Variants in TTC28 observed in about 807,000 individuals in gnomAD.
TTC28 encodes the protein tetratricopeptide repeat protein 28.
TTC28 carries 61 observed loss-of-function variants against 198.0 expected under a neutral mutation model. That is an observed-to-expected ratio of 0.31 (90% confidence interval 0.25 to 0.38). TTC28 has a LOEUF of 0.38. TTC28 is among the 10% of genes least tolerant of loss of function. The pLI is 1.00. For missense variants in TTC28, 2,678 were observed against 3,164.0 expected, an observed-to-expected ratio of 0.85 and a Z score of 3.69; for synonymous variants, 1,171 against 1,297.8, an observed-to-expected ratio of 0.90 and a Z score of 2.10.
chr22:28,101,069 G>A (rs1942133289), intron 9 of TTC28, 102 bp downstream of exon 9: 3 of 805,612 alleles, frequency 3.7e-6, no homozygotes, highest in Non-Finnish European at 5.9e-6. Context: ...AAGGGTAGAA[G>A]TCAGTGCCTC....
intron 2 of TTC28, among the ~76,000 whole-genome samples, chr22:28,562,527 A>G (rs1472350631): frequency 6.6e-6 from 1 of 152,182 alleles, no homozygotes; most frequent in East Asian, 1.9e-4. Flanking sequence ...GTAGAAGTGA[A>G]ACTAACACAC....
Position 28,087,463 on chromosome 22 carries a change from C to A in TTC28, c.3932+6617G>T, listed in dbSNP as rs537171664. Reference sequence around the variant, plus strand: ...AAGGCCTTTGACAAAATTCAACAACCCTTCATGCTAAAAAGTCTCAATAAA... The same window carrying A: ...AAGGCCTTTGACAAAATTCAACAACACTTCATGCTAAAAAGTCTCAATAAA... On this transcript the variant is annotated intron_variant, in intron 12 of 22. Transcript: ENST00000397906. 8.5e-5 allele frequency among the ~76,000 whole-genome samples: 13 copies of A among 152,154 alleles called. No individual in the cohort carries two copies. The East Asian group carries it at 1.5e-3, about 18-fold the overall frequency.
chr22:28,385,567 T>TAAATA (rs1185146123), intron 2 of TTC28, among the ~76,000 whole-genome samples: 2 of 151,690 alleles, frequency 1.3e-5, no homozygotes, highest in African/African-American at 4.8e-5. Context: ...TCATGAGGAG[T>TAAATA]AAATAAAATA....
intron 2 of TTC28, among the ~76,000 whole-genome samples, chr22:28,421,218 C>A (rs1311838219): frequency 6.6e-6 from 1 of 152,130 alleles, no homozygotes; most frequent in East Asian, 1.9e-4. Context: ...ATGTACAGTA[C>A]CCAATTCTGT....
At chr22:28,073,952 T>C (rs1227294362) in intron 12 of TTC28, among the ~76,000 whole-genome samples, 1 of 152,162 alleles carries the variant, frequency 6.6e-6, no homozygotes, top group Non-Finnish European at 1.5e-5. Flanking sequence ...CTACATGGCA[T>C]TATTGGAGGA....
intron 2 of TTC28, among the ~76,000 whole-genome samples, chr22:28,405,270 G>T (rs898949169): frequency 9.2e-5 from 14 of 152,048 alleles, no homozygotes; most frequent in Non-Finnish European, 4.4e-5. Context: ...CTATGATTAT[G>T]ATTGCATTAA....
intron 12 of TTC28, among the ~76,000 whole-genome samples, chr22:28,054,534 T>TG (rs1940200231): frequency 6.6e-6 from 1 of 152,066 alleles, no homozygotes; most frequent in Non-Finnish European, 1.5e-5. Flanking sequence ...AGAGGGGTGT[T>TG]GCCAAGGACA....
intron 2 of TTC28, among the ~76,000 whole-genome samples, chr22:28,473,787 T>C (rs1224505888): frequency 6.6e-6 from 1 of 152,200 alleles, no homozygotes; most frequent in Non-Finnish European, 1.5e-5. Context: ...GAGTGAGCCC[T>C]AATCTAATAT....
intron 2 of TTC28, among the ~76,000 whole-genome samples, chr22:28,397,573 CTGATAGACATCA>C (rs1414356463): frequency 6.6e-6 from 1 of 152,168 alleles, no homozygotes; most frequent in African/African-American, 2.4e-5. Context: ...ACGGATGCTT[CTGATAGACATCA>C]AGACTCTGTG....
intron 6 of TTC28, among the ~76,000 whole-genome samples, chr22:28,129,155 T>C (rs780465183): frequency 6.6e-6 from 1 of 152,200 alleles, no homozygotes; most frequent in African/African-American, 2.4e-5. Flanking sequence ...TCTCAAAGTT[T>C]ACCCATATAA....
intron 2 of TTC28, among the ~76,000 whole-genome samples, chr22:28,593,477 G>C (rs376381707): frequency 7.2e-4 from 98 of 136,482 alleles, no homozygotes; most frequent in South Asian, 1.5e-3. Flanking sequence ...AGCTAGGTAG[G>C]TAGGTAGGTA....
At chr22:28,033,605 G>C (rs1054621306) in intron 12 of TTC28, among the ~76,000 whole-genome samples, 2 of 152,144 alleles carry the variant, frequency 1.3e-5, no homozygotes, top group East Asian at 3.8e-4. Flanking sequence ...ATCTCTACTA[G>C]AGTTAACAAT....
intron 2 of TTC28, among the ~76,000 whole-genome samples, chr22:28,509,190 T>C (rs1307737637): frequency 7.0e-6 from 1 of 142,862 alleles, no homozygotes; most frequent in Non-Finnish European, 1.5e-5. Context: ...GATTCTGCCT[T>C]CAAAAAAAAA....
At chr22:28,305,523 AT>A (rs1364407766) in intron 3 of TTC28, among the ~76,000 whole-genome samples, 1 of 152,222 alleles carries the variant, frequency 6.6e-6, no homozygotes, top group African/African-American at 2.4e-5. Flanking sequence ...TAGCCACTAT[AT>A]TAAAAATATC....
chr22:28,619,664 T>G (rs2050959865), intron 2 of TTC28, among the ~76,000 whole-genome samples: 1 of 152,222 alleles, frequency 6.6e-6, no homozygotes, highest in Admixed American at 6.5e-5. Flanking sequence ...TTTCAAAAAA[T>G]TTCTGCATCA....
At chr22:28,504,568 T>A (rs1228332292) in intron 2 of TTC28, among the ~76,000 whole-genome samples, 1 of 152,204 alleles carries the variant, frequency 6.6e-6, no homozygotes, top group Non-Finnish European at 1.5e-5. Context: ...ATGGCCAATG[T>A]CTTTTAAATC....
At chr22:28,506,571 T>G (rs1039266639) in intron 2 of TTC28, among the ~76,000 whole-genome samples, 3 of 152,212 alleles carry the variant, frequency 2.0e-5, no homozygotes, top group Admixed American at 6.5e-5. Flanking sequence ...CCAGACTGCT[T>G]CTTTAAGCAG....
At chr22:28,066,271 TTACCGTGTGTGTGTG>T (rs1940740660) in intron 12 of TTC28, among the ~76,000 whole-genome samples, 1 of 149,898 alleles carries the variant, frequency 6.7e-6, no homozygotes, top group South Asian at 2.1e-4. Context: ...CCTTACCTAG[TTACCGTGTGTGTGTG>T]TGTGTGTGTG....
chr22:28,032,257 ATATATATATAGTGTGT>A (rs1569095040), intron 12 of TTC28, among the ~76,000 whole-genome samples: 24 of 86,812 alleles, frequency 2.8e-4, no homozygotes, highest in Non-Finnish European at 4.8e-4. Flanking sequence ...TAAAATATAT[ATATATATATAGTGTGT>A]GTGTGTGTGT....
Sources: gnomAD v4.1 joint callset for allele counts (sites outside exome capture counted in the v4.1 genomes callset) on GRCh38, gnomAD v4.1.1 for gene constraint, MANE v1.5 for transcripts, NCBI Gene and HGNC (gene_info 2026-07-23, HGNC 2026-07-21) for gene names.